Variants in DDX60 observed in about 807,000 individuals in gnomAD.
The protein encoded by DDX60 is DExD/H-box helicase 60.
Under a neutral mutation model 212.8 loss-of-function variants are expected in DDX60, and 165 were observed. The observed-to-expected ratio is 0.78, with a 90% confidence interval of 0.68 to 0.88. The LOEUF is 0.88. Ranked by LOEUF, DDX60 falls within the 40% of genes least tolerant of loss-of-function variation. DDX60 has a pLI of 0.00. For synonymous variants in DDX60, 703 were observed against 685.3 expected (o/e 1.03, Z -0.40); for missense variants, 1,905 against 2,003.9 (o/e 0.95, Z 0.94).
intron 32 of DDX60, 26 bp downstream of exon 32, chr4:168,237,260 A>G (rs1289696569): frequency 2.7e-6 from 4 of 1,465,308 alleles, no homozygotes; most frequent in Non-Finnish European, 3.6e-6. Context: ...CTCTCTCTAC[A>G]TATATATATA....
chr4:168,280,271 A>T (rs1735530295), intron 14 of DDX60, 64 bp downstream of exon 14: 6 of 1,531,784 alleles, frequency 3.9e-6, no homozygotes, highest in Non-Finnish European at 4.4e-6. Context: ...ACAAATGGCA[A>T]CTATCATCAT....
intron 22 of DDX60, among the ~76,000 whole-genome samples, chr4:168,267,090 C>G (rs1734878648): frequency 6.6e-6 from 1 of 152,072 alleles, no homozygotes; most frequent in African/African-American, 2.4e-5. Context: ...CCACTCACAC[C>G]CCGGTGTCCC....
intron 19 of DDX60, among the ~76,000 whole-genome samples, chr4:168,270,667 C>T (rs594621): frequency 0.057 from 8,620 of 151,920 alleles, 579 homozygotes; most frequent in African/African-American, 0.16. Flanking sequence ...TGAGATTAAC[C>T]AAAAATAAAT....
intron 30 of DDX60, among the ~76,000 whole-genome samples, chr4:168,240,930 T>C (rs1191006371): frequency 6.6e-6 from 1 of 152,164 alleles, no homozygotes; most frequent in Non-Finnish European, 1.5e-5. Context: ...CCAAATCTCA[T>C]CTTGAATTGA....
chr4:168,246,674 A>T (rs1246348705), intron 29 of DDX60, 56 bp from the exon 30 acceptor site: 1 of 1,574,114 alleles, frequency 6.4e-7, no homozygotes, highest in Admixed American at 1.7e-5. Flanking sequence ...CTACTGCCAT[A>T]GTGTAAGAAT....
chr4:168,240,853 G>A (rs1285644510), intron 30 of DDX60, among the ~76,000 whole-genome samples: 1 of 152,104 alleles, frequency 6.6e-6, no homozygotes, highest in Non-Finnish European at 1.5e-5. Context: ...GATAACCTAG[G>A]CAATACTATT....
Position 168,267,574 on chromosome 4 carries a change from T to C in DDX60, c.3039+8A>G. 6.8e-7 allele frequency: 1 copy of C among 1,460,740 alleles called. No individual in the cohort carries two copies. The highest frequency in any genetic ancestry group is 9.2e-7 in the Non-Finnish European group (1 of 1,083,346). The allele number at this position is 1,460,740 out of a possible 1,614,324, so 90.5% of individuals were successfully genotyped here. A position where few individuals can be genotyped will look rare whatever the true frequency, so the allele number is the denominator to read the frequency against. On this transcript the variant is annotated splice_region_variant and intron_variant, in intron 22 of 37. Coordinates refer to ENST00000393743, the MANE Select transcript of DDX60 (RefSeq NM_017631.6). ...ACTTAGAACAAATATGGCTAAAATA[T>C]TACCTACATGATCTGTTGTTAGTGC...
rs771711791 is a variant in DDX60, at chr4:168,306,518, T to C, written c.467A>G (p.Gln156Arg). The C allele has an allele frequency of 1.2e-6, 2 of 1,614,058 alleles. No homozygotes were observed. The highest frequency in any genetic ancestry group is 1.7e-6 in the Non-Finnish European group (2 of 1,180,030). The change falls in exon 5 of 38, where the codon CAG (glutamine) becomes CGG (arginine). Residue 156 changes from glutamine (Q) to arginine (R), a missense_variant. Coordinates refer to ENST00000393743, the MANE Select transcript of DDX60 (RefSeq NM_017631.6). ...ATGAATGATTAAAAAGTTGAAAAGC[T>C]GTGTTTGTAGATCGTTCAGGCCTTC... ...ADEGLNDLQT[Q>R]LFNFLIIHSW... is the part of the protein sequence containing the mutation.
chr4:168,246,718 G>A, intron 29 of DDX60, 100 bp from the exon 30 acceptor site: 1 of 1,237,632 alleles, frequency 8.1e-7, no homozygotes, highest in Non-Finnish European at 1.1e-6. Context: ...CATGGAAATT[G>A]TGCATATGTC....
At chr4:168,325,713 A>G in the DDX60 span, among the ~76,000 whole-genome samples, 5 of 152,226 alleles carry the variant, frequency 3.3e-5, no homozygotes, top group African/African-American at 1.2e-4. Context: ...GTTCCATAGA[A>G]ATTCTTTCCC....
chr4:168,271,345 G>A (rs916868633), intron 19 of DDX60, among the ~76,000 whole-genome samples: 9 of 152,158 alleles, frequency 5.9e-5, no homozygotes, highest in South Asian at 2.1e-4. Context: ...GTTCCACTGC[G>A]TTTGGCCTAT....
chr4:168,280,399 C>T lies in DDX60; in HGVS notation c.1914G>A (p.Gln638=). 1 of 1,614,148 alleles carries T rather than the reference C, an allele frequency of 6.2e-7. No individual in the cohort carries two copies. ...KSCKSSCVKL[Q]VEMVGLTACL... is the part of the protein sequence containing the mutation. ...AAGCAGTTAACCCCACCATTTCAAC[C>T]TGAAGTTTCACACAGCTACTTTTAC... Residue 638 remains glutamine, a synonymous_variant, in exon 14 of 38, where the codon CAG becomes CAA. Coordinates refer to ENST00000393743, the MANE Select transcript of DDX60 (RefSeq NM_017631.6).
chr4:168,272,074 A>G lies in DDX60; in HGVS notation c.2639T>C (p.Val880Ala), dbSNP rs1349882810. The G allele has an allele frequency of 6.3e-7, 1 of 1,586,818 alleles. No individual in the cohort carries two copies. Among genetic ancestry groups the G allele is most frequent in the South Asian group, 1.1e-5 (1 of 87,282 alleles). The change falls in exon 19 of 38, where the codon GTG becomes GCG. Residue 880 changes from valine to alanine, a missense_variant. Physicochemically the swap from Val to Ala is moderately conservative, Grantham distance 64. Coordinates refer to ENST00000393743, the MANE Select transcript of DDX60 (RefSeq NM_017631.6). ...AAATATAACATATCTGATCTTTTTC[A>G]CCCAGTTTTGGCGATGAGGAGCAAG... ...LLLAPHRQNW[V>A]KKIRYVIFDE...
upstream of DDX60, among the ~76,000 whole-genome samples, chr4:168,319,458 T>C (rs1236602216): frequency 6.6e-6 from 1 of 152,226 alleles, no homozygotes; most frequent in Admixed American, 6.5e-5. Flanking sequence ...TAACAATACA[T>C]GAACTTTGAG....
At chr4:168,263,708 C>G (rs1004922108) in intron 22 of DDX60, 3 of 152,134 alleles carry the variant, frequency 2.0e-5, no homozygotes, top group Non-Finnish European at 4.4e-5. Flanking sequence ...ATCTATGAAC[C>G]AGAAAGCAGG....
chr4:168,274,106 C>T, intron 16 of DDX60, 23 bp from the exon 17 acceptor site: 1 of 1,613,106 alleles, frequency 6.2e-7, no homozygotes, highest in Non-Finnish European at 8.5e-7. Flanking sequence ...GAGTACCATT[C>T]ATGTCAAGAA....
At chr4:168,261,526 C>T (rs1734622909) in intron 24 of DDX60, among the ~76,000 whole-genome samples, 1 of 152,152 alleles carries the variant, frequency 6.6e-6, no homozygotes. Flanking sequence ...TGAAGACCAT[C>T]AACTTATTAA....
upstream of DDX60, among the ~76,000 whole-genome samples, chr4:168,323,644 C>T (rs1737647099): frequency 6.6e-6 from 1 of 152,126 alleles, no homozygotes; most frequent in Non-Finnish European, 1.5e-5. Context: ...CTCGTGAGGG[C>T]TTGTATTATG....
At position 168,280,605 on chromosome 4, in the gene DDX60, A is replaced by G. The variant is rs201362410; in HGVS notation, c.1723-15T>C. Reference sequence around the variant, plus strand: ...GCCTTGGTCTCCTGCCCCAAAGGAAAAAACATCTCTTAAGACAAGTTGAAA... The same window carrying G: ...GCCTTGGTCTCCTGCCCCAAAGGAAGAAACATCTCTTAAGACAAGTTGAAA... On this transcript the variant is annotated splice_polypyrimidine_tract_variant and intron_variant, in intron 13 of 37. Transcript: ENST00000393743. The G allele has an allele frequency of 7.3e-5, 116 of 1,594,888 alleles. No homozygotes were observed. In the East Asian group the frequency reaches 2.5e-3, roughly 35 times the overall value.
Sources: allele counts gnomAD v4.1 joint callset (sites outside exome capture counted in the v4.1 genomes callset), GRCh38; gene constraint gnomAD v4.1.1; transcripts MANE v1.5; gene names NCBI Gene and HGNC (gene_info 2026-07-23, HGNC 2026-07-21).